Variants in PCDH18 observed in about 807,000 individuals in gnomAD.
The protein encoded by PCDH18 is protocadherin 18.
In PCDH18, 38 loss-of-function variants were observed where a neutral mutation model predicts 71.5. The observed-to-expected ratio is 0.53, with a 90% CI of 0.41 to 0.70. PCDH18 has a LOEUF of 0.70. PCDH18 is among the 30% of genes least tolerant of loss of function. PCDH18 has a pLI of 0.00. For missense variants in PCDH18, 1,334 were observed against 1,384.6 expected (o/e 0.96, Z 0.58); for synonymous variants, 565 against 505.4 (o/e 1.12, Z -1.58).
Position 137,521,417 on chromosome 4 carries a change from T to G in PCDH18, c.3020A>C (p.Glu1007Ala), listed in dbSNP as rs764214961. 6.8e-6 allele frequency: 11 copies of G among 1,614,076 alleles called. No homozygotes were observed. In the Admixed American group the frequency reaches 1.7e-4, roughly 24 times the overall value. The change falls in exon 4 of 4, where the codon GAA (glutamate) becomes GCA (alanine). Residue 1007 changes from glutamate (E) to alanine (A), a missense_variant. Physicochemically the swap from Glu to Ala is moderately radical, Grantham distance 107. Coordinates refer to ENST00000344876, the MANE Select transcript of PCDH18 (RefSeq NM_019035.5). ...GAGACGCTGGAACACACTGCTCATT[T>G]CCGAGAGCAGAGATGATGTGCTGGT... ...GDTSTSSLLS[E>A]MSSVFQRLLP...
At chr4:137,529,463 C>G in intron 1 of PCDH18, 139 bp downstream of exon 1, 1 of 580,492 alleles carries the variant, frequency 1.7e-6, no homozygotes, top group Non-Finnish European at 3.0e-6. Flanking sequence ...TACATATTCA[C>G]AATGTAACTT....
intron 1 of PCDH18, 77 bp downstream of exon 1, chr4:137,529,525 A>T: frequency 1.0e-6 from 1 of 990,468 alleles, no homozygotes; most frequent in Non-Finnish European, 1.5e-6. Flanking sequence ...TAATGAAAAC[A>T]TTTAAGAACT....
chr4:137,529,038 C>T, intron 1 of PCDH18: 2 of 511,344 alleles, frequency 3.9e-6, no homozygotes, highest in Non-Finnish European at 6.9e-6. Context: ...CCTAATACAA[C>T]TGACTTTTAC....
chr4:137,529,092 T>A, intron 1 of PCDH18: 2 of 424,820 alleles, frequency 4.7e-6, no homozygotes, highest in Non-Finnish European at 8.4e-6. Flanking sequence ...TTTATTTTCT[T>A]TATAATTCAG....
intron 3 of PCDH18, among the ~76,000 whole-genome samples, chr4:137,522,564 T>C (rs1448282891): frequency 6.6e-6 from 1 of 152,208 alleles, no homozygotes; most frequent in Non-Finnish European, 1.5e-5. Context: ...CTACAAACCA[T>C]TGACTTATTT....
At chr4:137,522,833 G>A (rs576778811) in intron 3 of PCDH18, among the ~76,000 whole-genome samples, 8 of 152,132 alleles carry the variant, frequency 5.3e-5, no homozygotes, top group South Asian at 2.1e-4. Context: ...CAGTTACTGC[G>A]GTGTCACTAG....
rs1446117541 is a variant in PCDH18 at position 137,532,280 on chromosome 4, G to T, written c.-192C>A. On this transcript the variant is annotated 5_prime_UTR_variant, in exon 1 of 4. Coordinates refer to ENST00000344876, the MANE Select transcript of PCDH18 (RefSeq NM_019035.5). ...CGTGTCACGACTTCCAGATACCTTC[G>T]GCATGGAGTCCAGTCCTTGCGTTTG... 4.3e-6 allele frequency: 3 copies of T among 704,256 alleles called. No homozygotes were observed. The Admixed American group carries it at 6.0e-5, about 14-fold the overall frequency. The allele number at this position is 704,256 out of a possible 1,614,324, so 43.6% of individuals were successfully genotyped here.
In PCDH18 at chr4:137,520,952, T is replaced by A. The variant is rs879680867; in HGVS notation, c.*77A>T. On this transcript the variant is annotated 3_prime_UTR_variant, in exon 4 of 4. Coordinates refer to ENST00000344876, the MANE Select transcript of PCDH18 (RefSeq NM_019035.5). ...AATGCAACTATTTGGCAATGCCAGT[T>A]CTTTCAGGGTTTTTTGTTGTTGTTG... 3.8e-6 allele frequency: 4 copies of A among 1,054,152 alleles called. No individual in the cohort carries two copies. The highest frequency in any genetic ancestry group is 5.6e-6 in the Non-Finnish European group (4 of 717,496). 65.3% of individuals were successfully genotyped at this position (1,054,152 alleles called of 1,614,324 possible).
In PCDH18 at chr4:137,531,774, G is replaced by A. The variant is rs374578423; in HGVS notation, c.315C>T (p.Ser105=). The A allele has an allele frequency of 1.2e-5, 19 of 1,613,954 alleles. No individual in the cohort carries two copies. The highest frequency in any genetic ancestry group is 1.6e-5 in the Non-Finnish European group (19 of 1,179,970). ...GTAGAGTGATCACATCAAACTCTAT[G>A]GAACAGTTCAAGTTTTTCTGGCACA... ...EQLCQKNLNC[S]IEFDVITLPT... Residue 105 remains serine (S), a synonymous_variant, in exon 1 of 4, where the codon TCC becomes TCT. Transcript: ENST00000344876.
rs1490451108 is a variant in PCDH18, at chr4:137,519,956, AAAAAT to A, written c.*1068_*1072del. 24 of 152,724 alleles carry A rather than the reference AAAAAT, an allele frequency of 1.6e-4. No individual in the cohort carries two copies. Among genetic ancestry groups the A allele is most frequent in the Admixed American group, 4.6e-4 (7 of 15,284 alleles). 9.5% of individuals were successfully genotyped at this position (152,724 alleles called of 1,614,324 possible). ...ATGATTTTATAAATGTTCTTATACT[AAAAAT>A]AAAAGCAAAAATATGAGATCATGCA... On this transcript the variant is annotated 3_prime_UTR_variant, in exon 4 of 4. Coordinates refer to ENST00000344876, the MANE Select transcript of PCDH18 (RefSeq NM_019035.5).
In PCDH18 at chr4:137,532,410, G is replaced by T; in HGVS notation, c.-322C>A. 1 of 694,474 alleles carries T rather than the reference G, an allele frequency of 1.4e-6. No individual in the cohort carries two copies. The highest frequency in any genetic ancestry group is 2.6e-6 in the Non-Finnish European group (1 of 380,586). 43.0% of individuals were successfully genotyped at this position (694,474 alleles called of 1,614,324 possible). A position where few individuals can be genotyped will look rare whatever the true frequency, so the allele number is the denominator to read the frequency against. The stretch of plus-strand genomic sequence containing the variant: ...GCAGGGTGCCGGTGGAGTCTGCAGT[G>T]TGTCTTTCCTGAGCGATTCTTTCTC... On this transcript the variant is annotated 5_prime_UTR_variant, in exon 1 of 4. Transcript: ENST00000344876.
In PCDH18 at chr4:137,528,522, T is replaced by G. The variant is rs751277477; in HGVS notation, c.2696A>C (p.Glu899Ala). Residue 899 changes from glutamate to alanine, a missense_variant, in exon 3 of 4, where the codon GAA (glutamate) becomes GCA (alanine). Physicochemically the swap from Glu to Ala is moderately radical, Grantham distance 107 (BLOSUM62 -1). Transcript: ENST00000344876. ...RDSPIDRLLG[E>A]GFSDLFLTDG... ...TGTGAGAAACAGGTCGCTGAATCCT[T>G]CACCCAACAGCCTATCTATTGGAGA... 1.5e-5 allele frequency: 25 copies of G among 1,613,906 alleles called. No homozygotes were observed. Among genetic ancestry groups the G allele is most frequent in the Non-Finnish European group, 2.0e-5 (24 of 1,179,928 alleles).
chr4:137,524,058 G>T (rs1731378220), intron 3 of PCDH18, among the ~76,000 whole-genome samples: 1 of 152,090 alleles, frequency 6.6e-6, no homozygotes, highest in Non-Finnish European at 1.5e-5. Context: ...CAATCTGTAA[G>T]TAATTCAGTG....
At chr4:137,529,386 C>T (rs1731576647) in intron 1 of PCDH18, 5 of 450,328 alleles carry the variant, frequency 1.1e-5, no homozygotes, top group Non-Finnish European at 2.0e-5. Flanking sequence ...TTCAATATTA[C>T]ACATATTATA....
rs1214786693 is a variant in PCDH18 at position 137,530,623 on chromosome 4, G to A, written c.1466C>T (p.Ala489Val). ...ATTTTCTCCAAGATCAGGATCTGTG[G>A]CTGTAACAGTGGTGATATATGCCCC... Reference protein sequence around the residue: ...SPGAYITTVTATDPDLGENGQ... With the variant: ...SPGAYITTVTVTDPDLGENGQ... Residue 489 changes from alanine (A) to valine (V), a missense_variant, in exon 1 of 4, where the codon GCC becomes GTC. By Grantham distance (64) the Ala-to-Val change is moderately conservative. Transcript: ENST00000344876. The A allele has an allele frequency of 1.9e-6, 3 of 1,613,992 alleles. No homozygotes were observed. The highest frequency in any genetic ancestry group is 1.3e-5 in the African/African-American group (1 of 74,920).
chr4:137,528,669 TAC>T, intron 2 of PCDH18, 28 bp from the exon 3 acceptor site: 1 of 1,610,618 alleles, frequency 6.2e-7, no homozygotes, highest in Non-Finnish European at 8.5e-7. Context: ...AAAAAAAAAT[TAC>T]AGTTTTTACT....
Position 137,530,742 on chromosome 4 carries a change from T to C in PCDH18, c.1347A>G (p.Lys449=). ...DRGTPSLSTV[K]HFTVQINDIN... ...TATCATTGATTTGAACTGTAAAATG[T>C]TTCACTGTAGAGAGACTGGGTGTCC... is the stretch of plus-strand genomic sequence containing the variant. Residue 449 remains lysine, a synonymous_variant, in exon 1 of 4, where the codon AAA becomes AAG. Coordinates refer to ENST00000344876, the MANE Select transcript of PCDH18 (RefSeq NM_019035.5). 1 of 1,613,134 alleles carries C rather than the reference T, an allele frequency of 6.2e-7. No individual in the cohort carries two copies. Among genetic ancestry groups the C allele is most frequent in the Non-Finnish European group, 8.5e-7 (1 of 1,179,236 alleles).
Position 137,520,399 on chromosome 4 carries a change from A to G in PCDH18, c.*630T>C, listed in dbSNP as rs1331687646. ...TAATTCTGTTTTCATCATTGTCTAT[A>G]AAAAGTTCATTTGAGATAGTCATCT... On this transcript the variant is annotated 3_prime_UTR_variant, in exon 4 of 4. Coordinates refer to ENST00000344876, the MANE Select transcript of PCDH18 (RefSeq NM_019035.5). 6.6e-6 allele frequency: 1 copy of G among 152,230 alleles called. No individual in the cohort carries two copies. Among genetic ancestry groups the G allele is most frequent in the Non-Finnish European group, 1.5e-5 (1 of 68,032 alleles). 9.4% of individuals were successfully genotyped at this position (152,230 alleles called of 1,614,324 possible).
intron 3 of PCDH18, among the ~76,000 whole-genome samples, chr4:137,524,715 G>T (rs1387040963): frequency 6.6e-6 from 1 of 152,102 alleles, no homozygotes; most frequent in African/African-American, 2.4e-5. Flanking sequence ...AGCTAAGAGG[G>T]GATTCCATTG....
Sources: allele counts gnomAD v4.1 joint callset (sites outside exome capture counted in the v4.1 genomes callset), GRCh38; gene constraint gnomAD v4.1.1; transcripts MANE v1.5; gene names NCBI Gene and HGNC (gene_info 2026-07-23, HGNC 2026-07-21).